The following AGMO variants were observed in gnomAD, a reference collection of about 807,000 sequenced individuals.
The protein encoded by AGMO is glyceryl-ether monooxygenase.
AGMO carries 75 observed loss-of-function variants against 60.2 expected under a neutral mutation model. That is an observed-to-expected ratio of 1.25 (90% CI 1.03 to 1.51). The LOEUF (loss-of-function observed/expected upper bound fraction) is 1.51. Among genes scored for constraint, AGMO ranks in the 40% most tolerant of loss-of-function variants. The pLI, the probability that AGMO is intolerant of heterozygous loss-of-function variation, is 0.00. For synonymous variants in AGMO, 261 were observed against 177.1 expected, an observed-to-expected ratio of 1.47 and a Z score of -3.76; for missense variants, 763 against 525.5, an observed-to-expected ratio of 1.45 and a Z score of -4.42.
intron 12 of AGMO, among the ~76,000 whole-genome samples, chr7:15,230,992 T>G (rs1478891150): frequency 6.6e-6 from 1 of 152,192 alleles, no homozygotes; most frequent in Non-Finnish European, 1.5e-5. Context: ...ATTTTTGGCT[T>G]GTTGCTTTAA....
intron 3 of AGMO, among the ~76,000 whole-genome samples, chr7:15,460,242 G>A (rs1387141238): frequency 6.6e-6 from 1 of 151,826 alleles, no homozygotes; most frequent in African/African-American, 2.4e-5. Flanking sequence ...GAGTAGCTAG[G>A]ATTAAAGTCT....
intron 3 of AGMO, among the ~76,000 whole-genome samples, chr7:15,541,139 TG>T (rs1784618919): frequency 6.6e-6 from 1 of 152,252 alleles, no homozygotes; most frequent in South Asian, 2.1e-4. Context: ...GGGTTTTTTT[TG>T]AGACGGGGTC....
intron 12 of AGMO, among the ~76,000 whole-genome samples, chr7:15,202,243 C>T (rs1781309358): frequency 6.6e-6 from 1 of 151,878 alleles, no homozygotes; most frequent in African/African-American, 2.4e-5. Context: ...AAGAATATCA[C>T]TATACCTGGA....
At chr7:15,541,934 A>G (rs1162470508) in intron 3 of AGMO, among the ~76,000 whole-genome samples, 1 of 152,188 alleles carries the variant, frequency 6.6e-6, no homozygotes, top group Non-Finnish European at 1.5e-5. Context: ...CATTGAATAG[A>G]AAAAGTAGGA....
the AGMO span, among the ~76,000 whole-genome samples, chr7:15,169,134 C>A: frequency 2.6e-5 from 4 of 152,168 alleles, no homozygotes; most frequent in Non-Finnish European, 4.4e-5. Flanking sequence ...ACCTTCTTCA[C>A]TAAGGGAGGG....
intron 4 of AGMO, among the ~76,000 whole-genome samples, chr7:15,427,209 T>G (rs1045614086): frequency 1.3e-5 from 2 of 152,218 alleles, no homozygotes; most frequent in East Asian, 1.9e-4. Context: ...ATTTTTTCTA[T>G]AGTAGATACA....
chr7:15,117,610 C>T, the AGMO span, among the ~76,000 whole-genome samples: 1 of 151,866 alleles, frequency 6.6e-6, no homozygotes, highest in African/African-American at 2.4e-5. Flanking sequence ...ACAAGAAACC[C>T]AATCCTCACC....
the AGMO span, among the ~76,000 whole-genome samples, chr7:15,138,874 A>T: frequency 2.6e-5 from 4 of 152,180 alleles, no homozygotes; most frequent in Non-Finnish European, 5.9e-5. Context: ...TCAGTTCTTA[A>T]CAATGTTATT....
At chr7:15,180,427 T>C in the AGMO span, among the ~76,000 whole-genome samples, 2 of 152,190 alleles carry the variant, frequency 1.3e-5, no homozygotes, top group African/African-American at 2.4e-5. Context: ...TGCCAAGGTC[T>C]TTCCTATTTT....
rs1259681177 is a variant in AGMO at position 15,276,854 on chromosome 7, G to A, written c.1264-75495C>T. ...AAAGCTTTCATGTGTAATTCCTTAAGTGAATTTTTCATTTCCAGAACTCTG... is the reference window on the plus strand; with the variant it reads ...AAAGCTTTCATGTGTAATTCCTTAAATGAATTTTTCATTTCCAGAACTCTG... On this transcript the variant is annotated intron_variant, in intron 12 of 12. Coordinates refer to ENST00000342526, the MANE Select transcript of AGMO (RefSeq NM_001004320.2). Among the ~76,000 whole-genome samples, 1,305 of 145,566 alleles carry A rather than the reference G, an allele frequency of 9.0e-3. 22 individuals are homozygous for A. Among genetic ancestry groups the A allele is most frequent in the African/African-American group, 0.031 (1,246 of 39,858 alleles).
At chr7:15,354,371 C>CGTGTGTATATAGACGTGTGTATACACGT (rs1563105056) in intron 12 of AGMO, among the ~76,000 whole-genome samples, 6 of 55,208 alleles carry the variant, frequency 1.1e-4, no homozygotes, top group South Asian at 5.7e-4. Flanking sequence ...TGTATATAGA[C>CGTGTGTATATAGACGTGTGTATACACGT]GTGTGTATAC....
intron 2 of AGMO, 85 bp downstream of exon 2, chr7:15,560,056 A>C (rs990961582): frequency 1.6e-6 from 2 of 1,269,188 alleles, no homozygotes; most frequent in East Asian, 5.4e-5. Context: ...AAATAAACTA[A>C]TTCTCCCATG....
At chr7:15,316,352 T>C (rs140488247) in intron 12 of AGMO, among the ~76,000 whole-genome samples, 3 of 152,250 alleles carry the variant, frequency 2.0e-5, no homozygotes, top group Non-Finnish European at 4.4e-5. Context: ...TCTGCCACAG[T>C]AGAGGAACTC....
intron 12 of AGMO, among the ~76,000 whole-genome samples, chr7:15,219,205 CG>C (rs1367325472): frequency 6.6e-6 from 1 of 152,006 alleles, no homozygotes; most frequent in Non-Finnish European, 1.5e-5. Context: ...TCTACTCTTA[CG>C]GGGTTTGAAT....
intron 10 of AGMO, among the ~76,000 whole-genome samples, chr7:15,372,981 CACT>C (rs1283034520): frequency 6.6e-6 from 1 of 151,976 alleles, no homozygotes; most frequent in Non-Finnish European, 1.5e-5. Flanking sequence ...TGTCAAGTTT[CACT>C]ACTGTGTGGT....
At chr7:15,377,490 G>GC (rs774121951) in intron 10 of AGMO, among the ~76,000 whole-genome samples, 4 of 151,984 alleles carry the variant, frequency 2.6e-5, no homozygotes, top group African/African-American at 4.8e-5. Flanking sequence ...ACTCACTCAT[G>GC]CCCAGGCATT....
At chr7:15,410,664 C>A (rs917931275) in intron 5 of AGMO, among the ~76,000 whole-genome samples, 1 of 151,674 alleles carries the variant, frequency 6.6e-6, no homozygotes, top group Non-Finnish European at 1.5e-5. Flanking sequence ...GATAAAGTAA[C>A]AATGCTGAAA....
At chr7:15,317,335 T>A (rs925281828) in intron 12 of AGMO, among the ~76,000 whole-genome samples, 1 of 152,188 alleles carries the variant, frequency 6.6e-6, no homozygotes, top group South Asian at 2.1e-4. Flanking sequence ...CTTATTTGAA[T>A]GTAACCTGAC....
At chr7:15,315,528 G>C (rs932776827) in intron 12 of AGMO, among the ~76,000 whole-genome samples, 1 of 151,680 alleles carries the variant, frequency 6.6e-6, no homozygotes, top group South Asian at 2.1e-4. Flanking sequence ...AGTAGAGACG[G>C]GGTTTCACCA....
Sources: gnomAD v4.1 joint callset for allele counts (sites outside exome capture counted in the v4.1 genomes callset) on GRCh38, gnomAD v4.1.1 for gene constraint, MANE v1.5 for transcripts, NCBI Gene and HGNC (gene_info 2026-07-23, HGNC 2026-07-21) for gene names.